Variants in TRPC5 observed in about 807,000 individuals in gnomAD.
The protein encoded by TRPC5 is short transient receptor potential channel 5.
TRPC5 carries 9 observed loss-of-function variants against 56.5 expected under a neutral mutation model. The ratio of observed to expected loss-of-function variants is 0.16; its 90% CI spans 0.10 to 0.28. The LOEUF (loss-of-function observed/expected upper bound fraction) is 0.28. TRPC5 is among the 10% of genes least tolerant of loss of function. The pLI is 1.00. For missense variants in TRPC5, 469 were observed against 748.9 expected (o/e 0.63, Z 4.36); for synonymous variants, 282 against 278.5 (o/e 1.01, Z -0.13).
chrX:111,959,513 T>C (rs1927319458), intron 1 of TRPC5, among the ~76,000 whole-genome samples: 1 of 111,445 alleles, frequency 9.0e-6, no homozygotes, highest in South Asian at 3.8e-4. Context: ...AAAAAATATA[T>C]GACATATAGA....
chrX:112,022,139 A>C lies in TRPC5; in HGVS notation c.-22+59740T>G, dbSNP rs189022809. Among the ~76,000 whole-genome samples, 9 of 112,281 alleles carry C rather than the reference A, an allele frequency of 8.0e-5. No individual in the cohort carries two copies. In the East Asian group the frequency reaches 2.5e-3, roughly 31 times the overall value. ...TACATTCTGGAGTATATAAGAGTAC[A>C]AGAAATCTATGGAGGTAGGATATAC... is the stretch of plus-strand genomic sequence containing the variant. On this transcript the variant is annotated intron_variant, in intron 1 of 10. Transcript: ENST00000262839.
intron 2 of TRPC5, among the ~76,000 whole-genome samples, chrX:111,935,354 A>G (rs1230730908): frequency 5.4e-5 from 6 of 111,823 alleles, no homozygotes; most frequent in African/African-American, 1.9e-4. Flanking sequence ...AACTCCTTAT[A>G]TGTTCTGGTT....
At chrX:111,935,185 T>C (rs897905040) in intron 2 of TRPC5, among the ~76,000 whole-genome samples, 1 of 112,168 alleles carries the variant, frequency 8.9e-6, no homozygotes, top group Non-Finnish European at 1.9e-5. Flanking sequence ...TGATAACTCA[T>C]TGTGGTTTTG....
chrX:111,847,416 C>T lies in TRPC5; in HGVS notation c.1398G>A (p.Arg466=), dbSNP rs753335155. ...AYVKYNGSRP[R]EEWEMWHPTL... is the part of the protein sequence containing the mutation. ...TCGGGTGCCACATTTCCCATTCCTC[C>T]CTTGGACGAGAACCATTATACTGAA... Residue 466 remains arginine (R), a synonymous_variant, in exon 6 of 11, where the codon AGG becomes AGA. Transcript: ENST00000262839. 23 of 1,207,907 alleles carry T rather than the reference C, an allele frequency of 1.9e-5. No homozygotes were observed. The highest frequency in any genetic ancestry group is 2.5e-5 in the Non-Finnish European group (22 of 894,436).
chrX:112,075,655 G>T (rs907047181), intron 1 of TRPC5, among the ~76,000 whole-genome samples: 1 of 111,849 alleles, frequency 8.9e-6, no homozygotes, highest in Non-Finnish European at 1.9e-5. Context: ...CAAAGCAGAA[G>T]AGGAAGGCAG....
chrX:111,959,390 C>T lies in TRPC5; in HGVS notation c.-21-6949G>A, dbSNP rs187359658. 3.2e-4 allele frequency among the ~76,000 whole-genome samples: 36 copies of T among 111,528 alleles called. No homozygotes were observed. In the East Asian group the frequency reaches 9.3e-3, roughly 29 times the overall value. On this transcript the variant is annotated intron_variant, in intron 1 of 10. Transcript: ENST00000262839. ...ATGTTAATTTTAACCTCCATGGTAG[C>T]TACTAAGAAAATAACTAAGAAATAG...
At chrX:111,958,585 C>T (rs181839634) in intron 1 of TRPC5, among the ~76,000 whole-genome samples, 9 of 112,381 alleles carry the variant, frequency 8.0e-5, no homozygotes, top group East Asian at 2.8e-4. Flanking sequence ...CACATCCCCA[C>T]GCAGTCATGG....
intron 1 of TRPC5, among the ~76,000 whole-genome samples, chrX:111,969,014 AT>A (rs1323894260): frequency 6.6e-4 from 67 of 101,001 alleles, no homozygotes; most frequent in African/African-American, 2.3e-3. Context: ...ATAAAATAAA[AT>A]AAAATAAAAA....
chrX:112,024,988 C>T (rs1360655075), intron 1 of TRPC5, among the ~76,000 whole-genome samples: 1 of 112,386 alleles, frequency 8.9e-6, no homozygotes, highest in Non-Finnish European at 1.9e-5. Flanking sequence ...ATAATATCAA[C>T]TCCCAACATT....
chrX:112,071,556 T>A (rs1008116276), intron 1 of TRPC5, among the ~76,000 whole-genome samples: 1 of 111,490 alleles, frequency 9.0e-6, no homozygotes, highest in Non-Finnish European at 1.9e-5. Flanking sequence ...TTTTAGGGTT[T>A]TTGTGCCATA....
intron 7 of TRPC5, among the ~76,000 whole-genome samples, chrX:111,787,289 C>T (rs1188998791): frequency 1.8e-5 from 2 of 111,770 alleles, no homozygotes; most frequent in African/African-American, 3.3e-5. Flanking sequence ...AACTGAACAA[C>T]TTGCTCCTGA....
chrX:112,027,021 T>G (rs1929431613), intron 1 of TRPC5, among the ~76,000 whole-genome samples: 1 of 111,107 alleles, frequency 9.0e-6, no homozygotes, highest in Admixed American at 9.6e-5. Flanking sequence ...CTGAAGAAAT[T>G]TCTTGCCTTT....
At chrX:111,941,353 G>A (rs560697771) in intron 2 of TRPC5, among the ~76,000 whole-genome samples, 3 of 111,524 alleles carry the variant, frequency 2.7e-5, no homozygotes, top group Middle Eastern at 4.6e-3. Context: ...TGATTTGGTC[G>A]GGTGCTTTGG....
At chrX:111,937,356 C>G (rs1238993208) in intron 2 of TRPC5, among the ~76,000 whole-genome samples, 1 of 101,419 alleles carries the variant, frequency 9.9e-6, no homozygotes, top group Admixed American at 1.0e-4. Flanking sequence ...TAATTAGATC[C>G]CATTTGTCAA....
chrX:111,904,582 A>G (rs1313273610), intron 3 of TRPC5, among the ~76,000 whole-genome samples: 1 of 110,703 alleles, frequency 9.0e-6, no homozygotes, highest in Non-Finnish European at 1.9e-5. Flanking sequence ...GAGCTGAACT[A>G]TGAGAACACA....
At chrX:111,826,611 T>C (rs1016371290) in intron 7 of TRPC5, among the ~76,000 whole-genome samples, 2 of 112,771 alleles carry the variant, frequency 1.8e-5, no homozygotes, top group South Asian at 7.3e-4. Flanking sequence ...TGTCATGATA[T>C]GCCTACAGCT....
At chrX:111,947,477 C>T (rs148241018) in intron 2 of TRPC5, among the ~76,000 whole-genome samples, 1,566 of 111,105 alleles carry the variant, frequency 0.014, 15 homozygotes, top group Middle Eastern at 0.065. Flanking sequence ...GCTGGAATTA[C>T]AGGCCTGCAC....
intron 2 of TRPC5, among the ~76,000 whole-genome samples, chrX:111,949,995 A>ATG (rs1302648597): frequency 9.0e-6 from 1 of 111,547 alleles, no homozygotes; most frequent in African/African-American, 3.3e-5. Context: ...ATATATATAT[A>ATG]TATATTTATA....
intron 3 of TRPC5, among the ~76,000 whole-genome samples, chrX:111,911,695 C>T (rs1215248646): frequency 8.9e-6 from 1 of 112,303 alleles, no homozygotes; most frequent in Non-Finnish European, 1.9e-5. Flanking sequence ...CATACCATAG[C>T]AGATCCTGCT....
Sources: allele counts gnomAD v4.1 joint callset (sites outside exome capture counted in the v4.1 genomes callset), GRCh38; gene constraint gnomAD v4.1.1; transcripts MANE v1.5; gene names NCBI Gene and HGNC (gene_info 2026-07-23, HGNC 2026-07-21).